Variants in WDR88 observed in about 807,000 individuals in gnomAD.
WDR88 encodes WD repeat domain 88.
WDR88 carries 40 observed loss-of-function variants against 46.8 expected under a neutral mutation model. The observed-to-expected ratio is 0.86, with a 90% CI of 0.66 to 1.11. The LOEUF (loss-of-function observed/expected upper bound fraction) is 1.11. Ranked by LOEUF, WDR88 falls within the 50% of genes most tolerant of loss-of-function variation. The pLI, the probability that WDR88 is intolerant of heterozygous loss-of-function variation, is 0.00. For synonymous variants in WDR88, 235 were observed against 240.7 expected (o/e 0.98, Z 0.22); for missense variants, 562 against 602.4 (o/e 0.93, Z 0.70).
At chr19:33,169,245 T>A (rs6510362) in intron 9 of WDR88, among the ~76,000 whole-genome samples, 28,446 of 152,058 alleles carry the variant, frequency 0.19, 3,663 homozygotes, top group African/African-American at 0.32. Flanking sequence ...CAAACTAAAC[T>A]TCGTTGAAAT....
Position 33,157,687 on chromosome 19 carries a change from GTATATATATATATATATATA to G in WDR88, c.997+1176_997+1195del, listed in dbSNP as rs1173664875. On this transcript the variant is annotated intron_variant, in intron 7 of 10. Transcript: ENST00000355868. The stretch of plus-strand genomic sequence containing the variant: ...TATGTATGTGTGTGTGTGTATGTAT[GTATATATATATATATATATA>G]TATATATATATATATATATATATAT... Among the ~76,000 whole-genome samples the G allele has an allele frequency of 1.2e-3, 4 of 3,392 alleles. 1 individual carries two copies. The highest frequency in any genetic ancestry group is 8.5e-3 in the East Asian group (4 of 472). 2.2% of individuals were successfully genotyped at this position (3,392 alleles called of 152,430 possible).
chr19:33,174,869 C>A, intron 10 of WDR88: 18 of 985,050 alleles, frequency 1.8e-5, no homozygotes, highest in Non-Finnish European at 2.2e-5. Flanking sequence ...GCTGGCAGGA[C>A]CTGCTTAGCC....
At chr19:33,164,174 A>T (rs1215480670) in intron 8 of WDR88, 23 bp from the exon 9 acceptor site, 4 of 1,608,872 alleles carry the variant, frequency 2.5e-6, no homozygotes, top group Non-Finnish European at 8.5e-7. Context: ...CCACGTTTTC[A>T]TTAAAATTTG....
At chr19:33,158,372 T>A (rs1455404742) in intron 7 of WDR88, among the ~76,000 whole-genome samples, 1 of 151,816 alleles carries the variant, frequency 6.6e-6, no homozygotes, top group African/African-American at 2.4e-5. Context: ...GAGCCAAAAT[T>A]GTGCCACTGC....
intron 10 of WDR88, 95 bp from the exon 11 acceptor site, chr19:33,175,301 C>A: frequency 7.7e-7 from 1 of 1,290,324 alleles, no homozygotes; most frequent in East Asian, 2.3e-5. Flanking sequence ...CCTTGCCTTG[C>A]CCCAGCTCAA....
intron 9 of WDR88, among the ~76,000 whole-genome samples, chr19:33,170,377 C>G (rs11879414): frequency 0.21 from 31,573 of 151,414 alleles, 4,747 homozygotes; most frequent in African/African-American, 0.4. Flanking sequence ...GCGGGGTTTT[C>G]CCATGTTGCC....
chr19:33,157,724 TATATATATATATAA>T (rs1568367790), intron 7 of WDR88, among the ~76,000 whole-genome samples: 3,350 of 59,802 alleles, frequency 0.056, 234 homozygotes, highest in South Asian at 0.1. Flanking sequence ...TATATATATA[TATATATATATATAA>T]AATTAAAGAG....
chr19:33,153,229 G>GTTTT (rs35860325), intron 6 of WDR88, among the ~76,000 whole-genome samples: 6 of 129,536 alleles, frequency 4.6e-5, no homozygotes, highest in African/African-American at 1.4e-4. Context: ...TTTTAAGTTT[G>GTTTT]TTTTTTTTTT....
chr19:33,156,080 A>C (rs1258168901), intron 6 of WDR88, among the ~76,000 whole-genome samples: 12 of 152,344 alleles, frequency 7.9e-5, no homozygotes, highest in African/African-American at 2.4e-4. Flanking sequence ...TATTTTTCTA[A>C]AAATTGGTGC....
chr19:33,137,112 C>T (rs113557101), intron 1 of WDR88, among the ~76,000 whole-genome samples: 2 of 78,332 alleles, frequency 2.6e-5, no homozygotes, highest in African/African-American at 5.7e-5. Context: ...CTTTCTTCTT[C>T]TTTTTTTTTT....
chr19:33,156,222 C>T, intron 6 of WDR88, 133 bp from the exon 7 acceptor site: 2 of 826,286 alleles, frequency 2.4e-6, no homozygotes, highest in Non-Finnish European at 3.7e-6. Context: ...TCTTCAGGTC[C>T]TCTTGGGGCG....
At chr19:33,174,328 A>AG in intron 10 of WDR88, 1 of 1,497,126 alleles carries the variant, frequency 6.7e-7, no homozygotes, top group Non-Finnish European at 8.9e-7. Context: ...AGCAGGCCTC[A>AG]GTGTCCTGGA....
At chr19:33,174,254 A>C in intron 10 of WDR88, 1 of 1,535,978 alleles carries the variant, frequency 6.5e-7, no homozygotes. Flanking sequence ...GAATCAATCA[A>C]CATGAGAAGC....
intron 9 of WDR88, among the ~76,000 whole-genome samples, chr19:33,165,367 A>G (rs1425989211): frequency 6.6e-6 from 1 of 152,164 alleles, no homozygotes; most frequent in Non-Finnish European, 1.5e-5. Context: ...AGAAAAAAAA[A>G]ACAACAAACC....
intron 5 of WDR88, 28 bp from the exon 6 acceptor site, chr19:33,151,153 T>C: frequency 1.2e-6 from 2 of 1,606,058 alleles, no homozygotes; most frequent in Non-Finnish European, 1.7e-6. Context: ...AGGCGTGGTC[T>C]CAAGTCCCTT....
chr19:33,161,524 T>C (rs1235080066), intron 8 of WDR88, among the ~76,000 whole-genome samples: 2 of 152,268 alleles, frequency 1.3e-5, no homozygotes, highest in East Asian at 3.9e-4. Flanking sequence ...GGACACAAAG[T>C]AGACATGTGT....
chr19:33,166,049 C>T (rs1465571670), intron 9 of WDR88, among the ~76,000 whole-genome samples: 1 of 151,704 alleles, frequency 6.6e-6, no homozygotes, highest in Non-Finnish European at 1.5e-5. Flanking sequence ...CGCTTAAGTC[C>T]AGGAGTTGGA....
chr19:33,142,492 G>A (rs1973417299), intron 2 of WDR88, among the ~76,000 whole-genome samples: 1 of 152,032 alleles, frequency 6.6e-6, no homozygotes, highest in Admixed American at 6.6e-5. Flanking sequence ...GAGGGCATAT[G>A]AGGTGGCAGA....
chr19:33,141,969 C>T (rs1347328762), intron 2 of WDR88, among the ~76,000 whole-genome samples: 2 of 152,210 alleles, frequency 1.3e-5, no homozygotes, highest in African/African-American at 2.4e-5. Context: ...GCATGAGCCA[C>T]TGCACCTAGA....
Sources: gnomAD v4.1 joint callset for allele counts (sites outside exome capture counted in the v4.1 genomes callset) on GRCh38, gnomAD v4.1.1 for gene constraint, MANE v1.5 for transcripts, NCBI Gene and HGNC (gene_info 2026-07-23, HGNC 2026-07-21) for gene names.